HUWE1: variants seen among roughly 807,000 people sequenced by gnomAD.
HUWE1 encodes the protein HECT, UBA and WWE domain containing E3 ubiquitin protein ligase 1.
Under a neutral mutation model 299.4 loss-of-function variants are expected in HUWE1, and 18 were observed. The ratio of observed to expected loss-of-function variants is 0.06; its 90% CI spans 0.04 to 0.09. HUWE1 has a LOEUF of 0.09. HUWE1 is among the 10% of genes least tolerant of loss of function. The probability of loss-of-function intolerance (pLI) is 1.00; values close to 1 mark genes in which losing one functional copy is unlikely to be tolerated. For missense variants in HUWE1, 1,832 were observed against 3,462.3 expected (o/e 0.53, Z 11.82); for synonymous variants, 1,317 against 1,286.1 (o/e 1.02, Z -0.51).
intron 3 of HUWE1, among the ~76,000 whole-genome samples, chrX:53,661,696 C>A (rs1338733672): frequency 1.8e-5 from 2 of 112,530 alleles, no homozygotes; most frequent in African/African-American, 6.5e-5. Flanking sequence ...ATAAACATTG[C>A]TTCCTAAACT....
rs782393002 is a variant in HUWE1 at position 53,549,413 on chromosome X, A to C, written c.9581T>G (p.Phe3194Cys). The change falls in exon 67 of 84, where the codon TTT becomes TGT. Residue 3194 changes from phenylalanine (F) to cysteine (C), a missense_variant. By Grantham distance (205) the Phe-to-Cys change is radical. Around this residue, in one of 15 missense-constraint regions of HUWE1, gnomAD observed 91 missense variants for 281.2 expected, o/e 0.32. Transcript: ENST00000262854. ...EALSCLLVLL[F>C]VDEPKLNTSR... ...AGTATTGAGCTTTGGCTCATCCACA[A>C]AAAGTAGGACCAAGAGACAAGAAAG... is the stretch of plus-strand genomic sequence containing the variant. 3 of 1,211,498 alleles carry C rather than the reference A, an allele frequency of 2.5e-6. No individual in the cohort carries two copies. The highest frequency in any genetic ancestry group is 3.4e-6 in the Non-Finnish European group (3 of 895,174).
At chrX:53,607,722 A>G in intron 24 of HUWE1, 23 bp from the exon 25 acceptor site, 1 of 1,080,128 alleles carries the variant, frequency 9.3e-7, no homozygotes, top group Non-Finnish European at 1.3e-6. Context: ...AATTTTTTAA[A>G]GAAGTTAGAG....
chrX:53,667,996 A>AT (rs2069332187), intron 3 of HUWE1, among the ~76,000 whole-genome samples: 1 of 110,964 alleles, frequency 9.0e-6, no homozygotes, highest in Non-Finnish European at 1.9e-5. Context: ...GGTATATGGT[A>AT]TTTTTTTCCC....
Position 53,576,882 on chromosome X carries a change from G to T in HUWE1, c.5884+18C>A, listed in dbSNP as rs1556959239. ...TATCCTCTAGTGCCCAGCCTCCTGAGGTAGGCTAGCCACATACCTTCCTCT... is the reference window on the plus strand; with the variant it reads ...TATCCTCTAGTGCCCAGCCTCCTGATGTAGGCTAGCCACATACCTTCCTCT... On this transcript the variant is annotated intron_variant, in intron 44 of 83. Coordinates refer to ENST00000262854, the MANE Select transcript of HUWE1 (RefSeq NM_031407.7). 8 of 1,206,642 alleles carry T rather than the reference G, an allele frequency of 6.6e-6. No homozygotes were observed. Among genetic ancestry groups the T allele is most frequent in the Non-Finnish European group, 9.0e-6 (8 of 891,135 alleles).
intron 3 of HUWE1, among the ~76,000 whole-genome samples, chrX:53,678,666 G>A (rs1159993219): frequency 8.9e-6 from 1 of 112,155 alleles, no homozygotes; most frequent in African/African-American, 3.2e-5. Context: ...TTCAAGAACT[G>A]TATGACAGCC....
chrX:53,569,599 A>C lies in HUWE1; in HGVS notation c.6524+17T>G. 1 of 1,190,954 alleles carries C rather than the reference A, an allele frequency of 8.4e-7. No homozygotes were observed. ...GATGTTCTTGGCTATTAGCCCTGGG[A>C]CAGGTATGAATCTTACCTGGCATGT... On this transcript the variant is annotated intron_variant, in intron 48 of 83. Coordinates refer to ENST00000262854, the MANE Select transcript of HUWE1 (RefSeq NM_031407.7).
chrX:53,603,464 G>A lies in HUWE1; in HGVS notation c.2780C>T (p.Ser927Phe). 3 of 1,208,860 alleles carry A rather than the reference G, an allele frequency of 2.5e-6. No individual in the cohort carries two copies. Among genetic ancestry groups the A allele is most frequent in the Non-Finnish European group, 3.4e-6 (3 of 893,107 alleles). Reference sequence around the variant, plus strand: ...GCTCAAAACACTCAGACCCAATTGAGAGCCCCACTGGTTTACGGAGATGGA... The same window carrying A: ...GCTCAAAACACTCAGACCCAATTGAAAGCCCCACTGGTTTACGGAGATGGA... ...IRSISVNQWG[S>F]QLGLSVLSKL... Residue 927 changes from serine (S) to phenylalanine (F), a missense_variant, in exon 27 of 84, where the codon TCT (serine) becomes TTT (phenylalanine). By Grantham distance (155) the Ser-to-Phe change is radical. Transcript: ENST00000262854.
chrX:53,679,388 A>G (rs2070009139), intron 3 of HUWE1, among the ~76,000 whole-genome samples: 1 of 112,561 alleles, frequency 8.9e-6, no homozygotes, highest in Non-Finnish European at 1.9e-5. Context: ...TTTTGATCTT[A>G]TATTTAAAGA....
chrX:53,536,082 G>A (rs782371649), intron 80 of HUWE1, 65 bp downstream of exon 80: 1 of 715,260 alleles, frequency 1.4e-6, no homozygotes, highest in South Asian at 2.2e-5. Context: ...CTAGTTCTAA[G>A]GTGAACCTGG....
In HUWE1 at chrX:53,583,916, T is replaced by A. The variant is rs2148306023; in HGVS notation, c.5162A>T (p.Asp1721Val). Residue 1721 changes from aspartate to valine, a missense_variant and splice_region_variant, in exon 42 of 84, where the codon GAT becomes GTT. Asp to Val is a radical substitution (Grantham distance 152). Coordinates refer to ENST00000262854, the MANE Select transcript of HUWE1 (RefSeq NM_031407.7). Reference protein sequence around the residue: ...DIKRKENKGNDTPLALESTNT... With the variant: ...DIKRKENKGNVTPLALESTNT... ...TGTACTCTCTAGGGCCAAAGGGGTA[T>A]CTATAAAATGGGAAAATAACAGTTT... 3 of 1,168,562 alleles carry A rather than the reference T, an allele frequency of 2.6e-6. No individual in the cohort carries two copies. In the East Asian group the frequency reaches 8.9e-5, roughly 35 times the overall value.
At chrX:53,589,451 AG>A (rs1233547962) in intron 36 of HUWE1, 95 bp downstream of exon 36, 1 of 808,274 alleles carries the variant, frequency 1.2e-6, no homozygotes, top group African/African-American at 2.0e-5. Flanking sequence ...CATATCAGGT[AG>A]AATGAAAATA....
chrX:53,684,772 T>A (rs1226945007), intron 2 of HUWE1, among the ~76,000 whole-genome samples: 4 of 111,630 alleles, frequency 3.6e-5, no homozygotes, highest in South Asian at 3.7e-4. Flanking sequence ...GGGAAAAAAA[T>A]TTTTAAACCT....
At chrX:53,617,192 A>C (rs1022018842) in intron 20 of HUWE1, 45 bp from the exon 21 acceptor site, 1 of 1,140,528 alleles carries the variant, frequency 8.8e-7, no homozygotes. Context: ...AAAAGAGTGT[A>C]GATGCTAGGA....
rs781938097 is a variant in HUWE1, at chrX:53,593,547, C to T, written c.3558G>A (p.Leu1186=). The change falls in exon 32 of 84, where the codon TTG becomes TTA. Residue 1186 remains leucine (L), a synonymous_variant. Coordinates refer to ENST00000262854, the MANE Select transcript of HUWE1 (RefSeq NM_031407.7). The part of the protein sequence containing the change: ...MGGKVPVSEG[L]EHSDLPDGTG... The stretch of plus-strand genomic sequence containing the variant: ...TGCCATCAGGCAAGTCTGAGTGTTC[C>T]AATCCCTCAGAAACAGGAACTTTAC... 1.7e-6 allele frequency: 2 copies of T among 1,211,142 alleles called. No individual in the cohort carries two copies. Among genetic ancestry groups the T allele is most frequent in the Non-Finnish European group, 2.2e-6 (2 of 894,858 alleles).
At position 53,535,582 on chromosome X, in the gene HUWE1, C is replaced by T. The variant is rs782031551; in HGVS notation, c.12532-81G>A. ...GATACCTAGGAACACACCCTAAACC[C>T]CTTGCCATGTCCTAGGCAGAGAGAT... On this transcript the variant is annotated intron_variant, in intron 80 of 83. Coordinates refer to ENST00000262854, the MANE Select transcript of HUWE1 (RefSeq NM_031407.7). The T allele has an allele frequency of 4.6e-6, 3 of 646,456 alleles. No homozygotes were observed. The South Asian group carries it at 6.6e-5, about 14-fold the overall frequency. The allele number at this position is 646,456 out of a possible 1,213,427, so 53.3% of individuals were successfully genotyped here. A position where few individuals can be genotyped will look rare whatever the true frequency, so the allele number is the denominator to read the frequency against.
intron 19 of HUWE1, among the ~76,000 whole-genome samples, chrX:53,619,680 G>C (rs1243029841): frequency 1.8e-5 from 2 of 108,128 alleles, no homozygotes; most frequent in African/African-American, 6.7e-5. Context: ...CTACAATAAT[G>C]TAGCATTAGA....
At chrX:53,616,643 G>A (rs782014330) in intron 21 of HUWE1, among the ~76,000 whole-genome samples, 11 of 111,444 alleles carry the variant, frequency 9.9e-5, no homozygotes, top group Non-Finnish European at 1.9e-4. Flanking sequence ...TTGGACATCA[G>A]AACACTAGAT....
chrX:53,611,736 T>TA (rs2065483060), intron 23 of HUWE1, among the ~76,000 whole-genome samples: 1 of 109,636 alleles, frequency 9.1e-6, no homozygotes, highest in Admixed American at 9.7e-5. Context: ...CACGTGTCTG[T>TA]AATCCCAGCT....
At chrX:53,635,375 G>C (rs1661243426) in intron 7 of HUWE1, among the ~76,000 whole-genome samples, 1 of 111,088 alleles carries the variant, frequency 9.0e-6, no homozygotes, top group Admixed American at 9.6e-5. Flanking sequence ...GTGGAGTGCA[G>C]TGGCACAATC....
Sources: allele counts gnomAD v4.1 joint callset (sites outside exome capture counted in the v4.1 genomes callset), GRCh38; gene constraint gnomAD v4.1.1; regional missense constraint gnomAD v4.1.1; transcripts MANE v1.5; gene names NCBI Gene and HGNC (gene_info 2026-07-23, HGNC 2026-07-21).